Variants in DTWD2 observed in about 807,000 individuals in gnomAD.
DTWD2 encodes the protein DTW motif tRNA-uridine aminocarboxypropyltransferase 2.
Under a neutral mutation model 31.8 loss-of-function variants are expected in DTWD2, and 39 were observed. The ratio of observed to expected loss-of-function variants is 1.22; its 90% CI spans 0.95 to 1.60. The LOEUF is 1.60. DTWD2 is among the 40% of genes most tolerant of loss of function. DTWD2 has a pLI of 0.00. For missense variants in DTWD2, 515 were observed against 381.5 expected, an observed-to-expected ratio of 1.35 and a Z score of -2.92; for synonymous variants, 180 against 142.8, an observed-to-expected ratio of 1.26 and a Z score of -1.86.
Position 118,988,389 on chromosome 5 carries a change from A to G in DTWD2, c.123T>C (p.Ala41=). 6.3e-7 allele frequency: 1 copy of G among 1,589,776 alleles called. No individual in the cohort carries two copies. The highest frequency in any genetic ancestry group is 8.5e-7 in the Non-Finnish European group (1 of 1,170,718). Residue 41 remains alanine, a synonymous_variant, in exon 1 of 6, where the codon GCT becomes GCC. Transcript: ENST00000510708. ...RREGGAVPAA[A]ALGAEADDDS... The stretch of plus-strand genomic sequence containing the variant: ...CGTCGTCCGCCTCTGCGCCCAGGGC[A>G]GCCGCCGCCGGCACTGCGCCGCCCT...
At chr5:118,890,035 A>G (rs1752945427) in intron 4 of DTWD2, among the ~76,000 whole-genome samples, 1 of 152,226 alleles carries the variant, frequency 6.6e-6, no homozygotes, top group Non-Finnish European at 1.5e-5. Context: ...ATATCAATAA[A>G]TAATACTTGG....
At chr5:118,899,796 T>C (rs1166628839) in intron 4 of DTWD2, among the ~76,000 whole-genome samples, 1 of 150,152 alleles carries the variant, frequency 6.7e-6, no homozygotes, top group African/African-American at 2.5e-5. Flanking sequence ...TACTTCGTTT[T>C]TTCTTTTTTT....
At chr5:118,880,289 C>T (rs1752713853) in intron 4 of DTWD2, among the ~76,000 whole-genome samples, 1 of 152,058 alleles carries the variant, frequency 6.6e-6, no homozygotes, top group South Asian at 2.1e-4. Context: ...TTTTAGATTC[C>T]CAAACATCAA....
intron 4 of DTWD2, among the ~76,000 whole-genome samples, chr5:118,884,307 G>C (rs1445506710): frequency 6.6e-6 from 1 of 152,156 alleles, no homozygotes; most frequent in Non-Finnish European, 1.5e-5. Context: ...GCTACTTCAA[G>C]AAATATTATG....
intron 1 of DTWD2, among the ~76,000 whole-genome samples, chr5:118,984,286 A>G (rs1755371653): frequency 6.6e-6 from 1 of 150,660 alleles, no homozygotes; most frequent in East Asian, 1.9e-4. Flanking sequence ...CAAAAACTCC[A>G]TCTCAAAAAA....
chr5:118,984,567 G>A (rs564870109), intron 1 of DTWD2, among the ~76,000 whole-genome samples: 3 of 152,220 alleles, frequency 2.0e-5, no homozygotes, highest in South Asian at 4.1e-4. Context: ...GATGGCTGGT[G>A]TTTAGTAAAT....
At position 118,874,441 on chromosome 5, in the gene DTWD2, T is replaced by C. The variant is rs1483515629; in HGVS notation, c.598-26223A>G. On this transcript the variant is annotated intron_variant, in intron 4 of 5. Coordinates refer to ENST00000510708, the MANE Select transcript of DTWD2 (RefSeq NM_173666.4). ...TTTACAGAAGTACATTAAAACCCAA[T>C]GCAAGGAAGCTAAAAATCATCATAA... Among the ~76,000 whole-genome samples, 3 of 152,088 alleles carry C rather than the reference T, an allele frequency of 2.0e-5. No homozygotes were observed. In the South Asian group the frequency reaches 6.2e-4, roughly 31 times the overall value.
intron 4 of DTWD2, among the ~76,000 whole-genome samples, chr5:118,853,027 T>C (rs1752046876): frequency 6.6e-6 from 1 of 152,052 alleles, no homozygotes; most frequent in African/African-American, 2.4e-5. Flanking sequence ...CACATGGGCA[T>C]AAAGACAGGA....
intron 1 of DTWD2, among the ~76,000 whole-genome samples, chr5:118,956,225 C>T (rs1754585332): frequency 6.6e-6 from 1 of 152,172 alleles, no homozygotes; most frequent in Non-Finnish European, 1.5e-5. Context: ...TTTCCCTTTT[C>T]TATATTTATA....
chr5:118,982,098 A>G (rs1203162814), intron 1 of DTWD2, among the ~76,000 whole-genome samples: 1 of 152,222 alleles, frequency 6.6e-6, no homozygotes, highest in Non-Finnish European at 1.5e-5. Context: ...TGTATTAAAC[A>G]AAAATGTAAA....
At chr5:118,913,140 A>T (rs1307668539) in intron 4 of DTWD2, among the ~76,000 whole-genome samples, 1 of 152,060 alleles carries the variant, frequency 6.6e-6, no homozygotes, top group African/African-American at 2.4e-5. Context: ...GATTGCAAAA[A>T]TTCAAAATAT....
intron 3 of DTWD2, among the ~76,000 whole-genome samples, chr5:118,929,204 C>A (rs548354079): frequency 6.6e-6 from 1 of 151,390 alleles, no homozygotes; most frequent in African/African-American, 2.4e-5. Flanking sequence ...CTCAAATTCA[C>A]CTTTGTTAAA....
intron 4 of DTWD2, among the ~76,000 whole-genome samples, chr5:118,926,543 T>TA (rs1181832527): frequency 1.3e-5 from 2 of 151,708 alleles, no homozygotes; most frequent in Non-Finnish European, 2.9e-5. Context: ...ATTGAAATTT[T>TA]AAAAAAAAGA....
At chr5:118,907,432 A>C (rs1234598970) in intron 4 of DTWD2, among the ~76,000 whole-genome samples, 1 of 152,200 alleles carries the variant, frequency 6.6e-6, no homozygotes, top group African/African-American at 2.4e-5. Context: ...GTGAGCCAGC[A>C]GGTTCAAGAC....
intron 3 of DTWD2, among the ~76,000 whole-genome samples, chr5:118,932,845 T>C (rs1376221793): frequency 6.6e-6 from 1 of 152,128 alleles, no homozygotes; most frequent in Non-Finnish European, 1.5e-5. Flanking sequence ...GGCCACCCAG[T>C]ATGTGGTATT....
Position 118,928,521 on chromosome 5 carries a change from A to G in DTWD2, c.597+16T>C, listed in dbSNP as rs2149578758. 5 of 1,454,168 alleles carry G rather than the reference A, an allele frequency of 3.4e-6. No individual in the cohort carries two copies. Among genetic ancestry groups the G allele is most frequent in the Non-Finnish European group, 4.5e-6 (5 of 1,101,640 alleles). 90.1% of individuals were successfully genotyped at this position (1,454,168 alleles called of 1,614,324 possible). A position where few individuals can be genotyped will look rare whatever the true frequency, so the allele number is the denominator to read the frequency against. ...TATATATTTATATTTATTCTCTGTT[A>G]AAATTACTAGTTTACCTGTTTGGGA... On this transcript the variant is annotated intron_variant, in intron 4 of 5. Transcript: ENST00000510708.
chr5:118,918,048 C>T (rs769532879), intron 4 of DTWD2, among the ~76,000 whole-genome samples: 2 of 151,978 alleles, frequency 1.3e-5, no homozygotes, highest in Non-Finnish European at 2.9e-5. Context: ...TAATCACCTC[C>T]AATGAGGTCC....
At chr5:118,860,349 A>T (rs960228177) in intron 4 of DTWD2, among the ~76,000 whole-genome samples, 6 of 151,358 alleles carry the variant, frequency 4.0e-5, no homozygotes, top group African/African-American at 1.5e-4. Flanking sequence ...TCTTAAAAGT[A>T]TCTAAATATC....
rs184753684 is a variant in DTWD2 at position 118,908,282 on chromosome 5, G to A, written c.597+20255C>T. 2.6e-3 allele frequency among the ~76,000 whole-genome samples: 395 copies of A among 152,212 alleles called. 3 individuals carry two copies. The highest frequency in any genetic ancestry group is 9.1e-3 in the African/African-American group (378 of 41,532). On this transcript the variant is annotated intron_variant, in intron 4 of 5. Coordinates refer to ENST00000510708, the MANE Select transcript of DTWD2 (RefSeq NM_173666.4). ...GATCCTCAGGACCAAGGAGTGATACGGGTGAGTTCCCTGGATTTTCATTTT... is the reference window on the plus strand; with the variant it reads ...GATCCTCAGGACCAAGGAGTGATACAGGTGAGTTCCCTGGATTTTCATTTT...
Sources: gnomAD v4.1 joint callset for allele counts (sites outside exome capture counted in the v4.1 genomes callset) on GRCh38, gnomAD v4.1.1 for gene constraint, MANE v1.5 for transcripts, NCBI Gene and HGNC (gene_info 2026-07-23, HGNC 2026-07-21) for gene names.